Variants in LUZP1 observed in about 807,000 individuals in gnomAD.
LUZP1 encodes the protein leucine zipper protein 1.
A neutral mutation model predicts 71.3 loss-of-function variants in LUZP1; 25 were observed. The observed-to-expected ratio is 0.35, with a 90% CI of 0.26 to 0.49. The LOEUF is 0.49. LUZP1 is among the 20% of genes least tolerant of loss of function. LUZP1 has a pLI of 0.99. For synonymous variants in LUZP1, 481 were observed against 506.4 expected (o/e 0.95, Z 0.67); for missense variants, 1,142 against 1,300.8 (o/e 0.88, Z 1.88).
chr1:23,164,570 G>A lies in LUZP1; in HGVS notation c.-226+4196C>T, dbSNP rs1012392109. Among the ~76,000 whole-genome samples, 5 of 152,004 alleles carry A rather than the reference G, an allele frequency of 3.3e-5. No homozygotes were observed. The South Asian group carries it at 1.0e-3, about 32-fold the overall frequency. ...AAAAAATAAAGAGAAGGTAGAAATG[G>A]GGCTTCTTCTAGAAGCTCACTAGCA... On this transcript the variant is annotated intron_variant, in intron 2 of 4. Coordinates refer to ENST00000302291, the Ensembl canonical transcript of LUZP1.
chr1:23,118,739 T>C (rs1267045934), intron 2 of LUZP1, among the ~76,000 whole-genome samples: 2 of 152,236 alleles, frequency 1.3e-5, no homozygotes, highest in African/African-American at 4.8e-5. Flanking sequence ...GTTCAAGTCC[T>C]CTTCTTCCTG....
At chr1:23,120,784 C>T (rs1040676174) in intron 2 of LUZP1, among the ~76,000 whole-genome samples, 14 of 152,148 alleles carry the variant, frequency 9.2e-5, no homozygotes, top group Admixed American at 5.9e-4. Context: ...AATTGAGGCT[C>T]ATATTTTAAA....
chr1:23,164,123 A>C (rs955438287), intron 2 of LUZP1: 2 of 152,198 alleles, frequency 1.3e-5, no homozygotes, highest in Non-Finnish European at 2.9e-5. Context: ...GGATTTAACA[A>C]GAATTCCTTT....
chr1:23,169,509 G>A (rs1451425573), intron 1 of LUZP1, among the ~76,000 whole-genome samples: 3 of 152,190 alleles, frequency 2.0e-5, no homozygotes, highest in African/African-American at 7.2e-5. Context: ...AGACTCGGGA[G>A]GCATGGGTTC....
chr1:23,084,228 A>T (rs505938), exon 5 of LUZP1: 123,253 of 152,118 alleles, frequency 0.81, 50,349 homozygotes, highest in Non-Finnish European at 0.84. Context: ...AAGTTCTGGA[A>T]GCTTAAAGTC....
intron 2 of LUZP1, among the ~76,000 whole-genome samples, chr1:23,117,477 C>CTCTCTCTCTCTCTCTCTCT (rs34248788): frequency 2.9e-4 from 4 of 13,848 alleles, no homozygotes; most frequent in African/African-American, 5.8e-4. Flanking sequence ...CTCTCTCTCT[C>CTCTCTCTCTCTCTCTCTCT]CCCCCCCCCC....
intron 2 of LUZP1, among the ~76,000 whole-genome samples, chr1:23,156,444 A>G (rs566472565): frequency 6.6e-6 from 1 of 152,354 alleles, no homozygotes; most frequent in African/African-American, 2.4e-5. Context: ...CCCTTTAATT[A>G]TACTTCAGTT....
Position 23,147,408 on chromosome 1 carries a change from T to G in LUZP1, c.-226+21358A>C, listed in dbSNP as rs111587619. Reference sequence around the variant, plus strand: ...GTGAGCCGAGATCGCACCACTGCACTTCAGCCTGGGGTGACAGAGCAAGAC... The same window carrying G: ...GTGAGCCGAGATCGCACCACTGCACGTCAGCCTGGGGTGACAGAGCAAGAC... On this transcript the variant is annotated intron_variant, in intron 2 of 4. Coordinates refer to ENST00000302291, the Ensembl canonical transcript of LUZP1. Among the ~76,000 whole-genome samples the G allele has an allele frequency of 4.0e-5, 6 of 150,456 alleles. No homozygotes were observed. In the East Asian group the frequency reaches 1.2e-3, roughly 29 times the overall value.
At chr1:23,100,461 G>A (rs771191258) in intron 3 of LUZP1, among the ~76,000 whole-genome samples, 5 of 152,156 alleles carry the variant, frequency 3.3e-5, no homozygotes, top group East Asian at 1.9e-4. Flanking sequence ...GACCTGCTGG[G>A]AAGCCCTTTC....
chr1:23,102,088 G>A (rs931308773), intron 3 of LUZP1, among the ~76,000 whole-genome samples: 2 of 151,884 alleles, frequency 1.3e-5, no homozygotes, highest in Non-Finnish European at 2.9e-5. Context: ...AAGCTCAGAA[G>A]AAGTGATTAA....
chr1:23,088,664 G>C, exon 5 of LUZP1: 1 of 483,008 alleles, frequency 2.1e-6, no homozygotes, highest in Non-Finnish European at 3.7e-6. Flanking sequence ...AGGAGAGAGA[G>C]AGGACTCGTG....
intron 2 of LUZP1, among the ~76,000 whole-genome samples, chr1:23,152,770 A>T (rs1644394221): frequency 6.6e-6 from 1 of 152,084 alleles, no homozygotes; most frequent in Non-Finnish European, 1.5e-5. Flanking sequence ...GCCTCAGGTG[A>T]TCCACCAGCC....
At chr1:23,135,623 T>C (rs1644247430) in intron 2 of LUZP1, among the ~76,000 whole-genome samples, 1 of 152,162 alleles carries the variant, frequency 6.6e-6, no homozygotes, top group Admixed American at 6.5e-5. Context: ...TGGGATAGTG[T>C]AAAAGCACTC....
chr1:23,136,824 G>A (rs537429235), intron 2 of LUZP1, among the ~76,000 whole-genome samples: 10 of 152,252 alleles, frequency 6.6e-5, no homozygotes, highest in East Asian at 1.9e-4. Flanking sequence ...AGGCTGAGAC[G>A]GGAGAATGGC....
At chr1:23,126,476 T>A (rs1644172546) in intron 2 of LUZP1, among the ~76,000 whole-genome samples, 1 of 152,164 alleles carries the variant, frequency 6.6e-6, no homozygotes, top group African/African-American at 2.4e-5. Flanking sequence ...TTTACTTCTC[T>A]TCATGGTTCT....
intron 2 of LUZP1, among the ~76,000 whole-genome samples, chr1:23,122,044 A>G (rs1201387817): frequency 6.6e-6 from 1 of 152,070 alleles, no homozygotes; most frequent in African/African-American, 2.4e-5. Flanking sequence ...TAATTAATTA[A>G]TTTTAAAAAG....
At chr1:23,155,179 A>G (rs1188117008) in intron 2 of LUZP1, among the ~76,000 whole-genome samples, 1 of 152,170 alleles carries the variant, frequency 6.6e-6, no homozygotes, top group Non-Finnish European at 1.5e-5. Context: ...TACACACCCT[A>G]ACTACATTTT....
chr1:23,141,639 T>G (rs1014374754), intron 2 of LUZP1, among the ~76,000 whole-genome samples: 4 of 152,088 alleles, frequency 2.6e-5, no homozygotes, highest in Non-Finnish European at 4.4e-5. Flanking sequence ...AGCAGGGAGA[T>G]CTCATGGTCC....
At chr1:23,127,991 T>A (rs987369082) in intron 2 of LUZP1, among the ~76,000 whole-genome samples, 6 of 151,732 alleles carry the variant, frequency 4.0e-5, no homozygotes, top group African/African-American at 1.5e-4. Flanking sequence ...ATTAGCTGGG[T>A]GTGGTGGCAC....
Sources: allele counts gnomAD v4.1 joint callset (sites outside exome capture counted in the v4.1 genomes callset), GRCh38; gene constraint gnomAD v4.1.1; transcripts MANE v1.5; gene names NCBI Gene and HGNC (gene_info 2026-07-23, HGNC 2026-07-21).